The following TRRAP variants were observed in gnomAD, a reference collection of about 807,000 sequenced individuals.
TRRAP encodes transformation/transcription domain associated protein.
Under a neutral mutation model 438.8 loss-of-function variants are expected in TRRAP, and 41 were observed. The observed-to-expected ratio is 0.09, with a 90% CI of 0.07 to 0.12. The LOEUF is 0.12. Among genes scored for constraint, TRRAP ranks in the 10% least tolerant of loss-of-function variants. The probability of loss-of-function intolerance (pLI) is 1.00; values close to 1 mark genes in which losing one functional copy is unlikely to be tolerated. For missense variants in TRRAP, 3,122 were observed against 5,055.1 expected (o/e 0.62, Z 11.60); for synonymous variants, 1,994 against 1,962.9 (o/e 1.02, Z -0.42).
Position 98,984,935 on chromosome 7 carries a change from T to C in TRRAP, c.9289-9T>C, listed in dbSNP as rs200439018. 8.0e-5 allele frequency: 127 copies of C among 1,581,252 alleles called. No homozygotes were observed. Among genetic ancestry groups the C allele is most frequent in the Non-Finnish European group, 1.0e-5 (12 of 1,164,922 alleles). ...AAGAACTTTTTTTCTGCTCATTTTT[T>C]TTGAACAGGGCCTTGAAGTTATTGA... On this transcript the variant is annotated splice_polypyrimidine_tract_variant and intron_variant, in intron 61 of 72. Transcript: ENST00000456197.
Position 98,981,617 on chromosome 7 carries a change from C to A in TRRAP, c.8635-152C>A, listed in dbSNP as rs146054628. 42 of 759,588 alleles carry A rather than the reference C, an allele frequency of 5.5e-5. No individual in the cohort carries two copies. In the African/African-American group the frequency reaches 6.8e-4, roughly 12 times the overall value. The allele number at this position is 759,588 out of a possible 1,614,324, so 47.1% of individuals were successfully genotyped here. Reference sequence around the variant, plus strand: ...CAGAAAAGACTGTGTAAACGCATGACTTCTCTAAAGAAAATACATTTCTAT... The same window carrying A: ...CAGAAAAGACTGTGTAAACGCATGAATTCTCTAAAGAAAATACATTTCTAT... On this transcript the variant is annotated intron_variant, in intron 58 of 72. Transcript: ENST00000456197.
In TRRAP at chr7:98,956,075, G is replaced by C; in HGVS notation, c.5938-71G>C. ...GCATGTCGGGGGTGTGTGTGTGCAC[G>C]TGCGCACACGTGCATGCACTGTGGG... is the stretch of plus-strand genomic sequence containing the variant. On this transcript the variant is annotated intron_variant, in intron 41 of 72. Transcript: ENST00000456197. The surrounding 1 kb of genome is among the most constrained non-coding windows in gnomAD (Gnocchi z 4.5). 1 of 1,530,606 alleles carries C rather than the reference G, an allele frequency of 6.5e-7. No individual in the cohort carries two copies. Among genetic ancestry groups the C allele is most frequent in the Middle Eastern group, 2.4e-4 (1 of 4,158 alleles). The allele number at this position is 1,530,606 out of a possible 1,614,324, so 94.8% of individuals were successfully genotyped here. A position where few individuals can be genotyped will look rare whatever the true frequency, so the allele number is the denominator to read the frequency against.
chr7:98,934,261 G>A (rs140521747), intron 27 of TRRAP, among the ~76,000 whole-genome samples: 1 of 152,110 alleles, frequency 6.6e-6, no homozygotes, highest in African/African-American at 2.4e-5. Flanking sequence ...AGTATACCGC[G>A]GCAAAAATCA....
chr7:99,000,936 C>T (rs1225032893), intron 67 of TRRAP, among the ~76,000 whole-genome samples: 4 of 152,208 alleles, frequency 2.6e-5, no homozygotes, highest in East Asian at 1.9e-4. Flanking sequence ...CCCAACTTAG[C>T]GCTTTTGTAA....
In TRRAP at chr7:98,976,941, G is replaced by T; in HGVS notation, c.8250G>T (p.Glu2750Asp). 1 of 1,614,132 alleles carries T rather than the reference G, an allele frequency of 6.2e-7. No individual in the cohort carries two copies. The highest frequency in any genetic ancestry group is 8.5e-7 in the Non-Finnish European group (1 of 1,180,050). ...GGAACCTTACTTTGTGTTTTCAGGA[G>T]ATACTGGATTCCCTTGCGGAGCTTT... The part of the protein sequence containing the change: ...EQESITPPQQ[E>D]ILDSLAELYS... Residue 2750 changes from glutamate (E) to aspartate (D), a missense_variant and splice_region_variant, in exon 56 of 73, where the codon GAG (glutamate) becomes GAT (aspartate). Physicochemically the swap from Glu to Asp is conservative, Grantham distance 45. This residue lies in a region of TRRAP where 992 missense variants were observed against 1,281.2 expected (regional missense o/e 0.77). Coordinates refer to ENST00000456197, the MANE Select transcript of TRRAP (RefSeq NM_001375524.1). The surrounding 1 kb of genome is among the most constrained non-coding windows in gnomAD (Gnocchi z 4.6).
intron 8 of TRRAP, 147 bp downstream of exon 8, chr7:98,898,013 G>C: frequency 7.5e-7 from 1 of 1,326,150 alleles, no homozygotes; most frequent in South Asian, 1.4e-5. Context: ...CTTCTCTGCA[G>C]CCTGGGAGGG....
chr7:98,881,900 T>C, intron 2 of TRRAP, 75 bp from the exon 3 acceptor site: 1 of 1,519,918 alleles, frequency 6.6e-7, no homozygotes, highest in Non-Finnish European at 9.0e-7. Context: ...CTTAAATTAC[T>C]AAATCCAAGT....
At chr7:98,991,861 G>C (rs1793444994) in intron 64 of TRRAP, among the ~76,000 whole-genome samples, 1 of 152,200 alleles carries the variant, frequency 6.6e-6, no homozygotes, top group Non-Finnish European at 1.5e-5. Flanking sequence ...CTGCCTGGAA[G>C]GAAAGCGTGG....
intron 7 of TRRAP, among the ~76,000 whole-genome samples, chr7:98,896,558 C>T (rs565818573): frequency 4.0e-5 from 6 of 151,808 alleles, no homozygotes; most frequent in South Asian, 2.1e-4. Context: ...TACAGGCGTG[C>T]GGCACCCACC....
At chr7:98,986,429 T>G (rs1022509496) in intron 62 of TRRAP, among the ~76,000 whole-genome samples, 20 of 152,228 alleles carry the variant, frequency 1.3e-4, no homozygotes, top group African/African-American at 4.8e-4. Flanking sequence ...TTTCTCCATA[T>G]CCTCACCAGC....
chr7:98,899,742 G>A lies in TRRAP; in HGVS notation c.775G>A (p.Ala259Thr). 1 of 1,614,156 alleles carries A rather than the reference G, an allele frequency of 6.2e-7. No homozygotes were observed. The highest frequency in any genetic ancestry group is 8.5e-7 in the Non-Finnish European group (1 of 1,180,022). The change falls in exon 10 of 73, where the codon GCC (alanine) becomes ACC (threonine). Residue 259 changes from alanine to threonine, a missense_variant. Coordinates refer to ENST00000456197, the MANE Select transcript of TRRAP (RefSeq NM_001375524.1). Reference protein sequence around the residue: ...EFVPLIMNTIAIQVSAQARQH... With the variant: ...EFVPLIMNTITIQVSAQARQH... ...TGTGCCCTTGATCATGAACACCATTGCCATTCAGGTGTCTGCACAAGCGAG... is the reference window on the plus strand; with the variant it reads ...TGTGCCCTTGATCATGAACACCATTACCATTCAGGTGTCTGCACAAGCGAG...
Position 98,976,962 on chromosome 7 carries a change from G to C in TRRAP, c.8271G>C (p.Glu2757Asp), listed in dbSNP as rs55755466. The change falls in exon 56 of 73, where the codon GAG becomes GAC. Residue 2757 changes from glutamate to aspartate, a missense_variant. Physicochemically the swap from Glu to Asp is conservative, Grantham distance 45. Transcript: ENST00000456197. The surrounding 1 kb of genome is among the most constrained non-coding windows in gnomAD (Gnocchi z 4.6). ...AGGAGATACTGGATTCCCTTGCGGAGCTTTACTCCCTGTTACAAGAGGAAG... is the reference window on the plus strand; with the variant it reads ...AGGAGATACTGGATTCCCTTGCGGACCTTTACTCCCTGTTACAAGAGGAAG... The part of the protein sequence containing the change: ...PQQEILDSLA[E>D]LYSLLQEEDM... The C allele has an allele frequency of 1.6e-4, 255 of 1,614,184 alleles. 2 individuals carry two copies. The East Asian group carries it at 5.3e-3, about 33-fold the overall frequency.
rs749974582 is a variant in TRRAP at position 99,012,161 on chromosome 7, G to T, written c.11428G>T (p.Ala3810Ser). 1.9e-6 allele frequency: 3 copies of T among 1,614,178 alleles called. No homozygotes were observed. The highest frequency in any genetic ancestry group is 1.1e-5 in the South Asian group (1 of 91,080). ...QEDTSSPLSA[A>S]GQPENMDSQQ... Reference sequence around the variant, plus strand: ...GGACACGTCCTCTCCTCTCTCGGCCGCCGGGCAGCCAGAGAACATGGACAG... The same window carrying T: ...GGACACGTCCTCTCCTCTCTCGGCCTCCGGGCAGCCAGAGAACATGGACAG... Residue 3810 changes from alanine to serine, a missense_variant, in exon 73 of 73, where the codon GCC (alanine) becomes TCC (serine). This residue lies in a region of TRRAP where 192 missense variants were observed against 355.6 expected (regional missense o/e 0.54). Transcript: ENST00000456197. This position sits in a 1 kb window ranked among gnomAD's most constrained non-coding sequence, Gnocchi z 5.9.
rs552076320 is a variant in TRRAP at position 98,897,835 on chromosome 7, A to C, written c.602A>C (p.Asn201Thr). The C allele has an allele frequency of 5.6e-6, 9 of 1,613,908 alleles. No individual in the cohort carries two copies. In the South Asian group the frequency reaches 9.9e-5, roughly 18 times the overall value. The change falls in exon 8 of 73, where the codon AAC (asparagine) becomes ACC (threonine). Residue 201 changes from asparagine to threonine, a missense_variant. Asn to Thr is a moderately conservative substitution (Grantham distance 65, BLOSUM62 0). This residue lies in a region of TRRAP where 343 missense variants were observed against 564.0 expected (regional missense o/e 0.61). Coordinates refer to ENST00000456197, the MANE Select transcript of TRRAP (RefSeq NM_001375524.1). ...ATAACAACGATTGCTGTGAAAGTCAACCCGGAGCGTGAGGACAGTGAGACT... is the reference window on the plus strand; with the variant it reads ...ATAACAACGATTGCTGTGAAAGTCACCCCGGAGCGTGAGGACAGTGAGACT... ...GMITTIAVKV[N>T]PEREDSETRT...
rs748926975 is a variant in TRRAP, at chr7:99,011,324, C to T, written c.11143-17C>T. ...CTTTCTGCTGAAGTTCCTAAAGTGT[C>T]TCCTTCTGAAATTTAGGACACTGGC... On this transcript the variant is annotated splice_polypyrimidine_tract_variant and intron_variant, in intron 71 of 72. Coordinates refer to ENST00000456197, the MANE Select transcript of TRRAP (RefSeq NM_001375524.1). This position sits in a 1 kb window ranked among gnomAD's most constrained non-coding sequence, Gnocchi z 7.1. 4.3e-6 allele frequency: 7 copies of T among 1,613,162 alleles called. No homozygotes were observed. In the South Asian group the frequency reaches 6.6e-5, roughly 15 times the overall value.
chr7:98,983,196 C>T, intron 59 of TRRAP, 68 bp from the exon 60 acceptor site: 1 of 1,411,244 alleles, frequency 7.1e-7, no homozygotes, highest in Non-Finnish European at 9.6e-7. Flanking sequence ...CCAATGGACT[C>T]TGGTGTGTTT....
rs759277860 is a variant in TRRAP at position 98,994,843 on chromosome 7, C to T, written c.10304C>T (p.Thr3435Met). Residue 3435 changes from threonine to methionine, a missense_variant, in exon 67 of 73, where the codon ACG (threonine) becomes ATG (methionine). Physicochemically the swap from Thr to Met is moderately conservative, Grantham distance 81 (BLOSUM62 -1). Coordinates refer to ENST00000456197, the MANE Select transcript of TRRAP (RefSeq NM_001375524.1). This position sits in a 1 kb window ranked among gnomAD's most constrained non-coding sequence, Gnocchi z 4.8. Reference protein sequence around the residue: ...PVFQKLKGQFTTDFDFSVPGS... With the variant: ...PVFQKLKGQFMTDFDFSVPGS... ...TTTCAGAAGCTGAAAGGCCAGTTCACGACGGGTGAGTCTCCATTTTCCTTC... is the reference window on the plus strand; with the variant it reads ...TTTCAGAAGCTGAAAGGCCAGTTCATGACGGGTGAGTCTCCATTTTCCTTC... 3 of 1,609,012 alleles carry T rather than the reference C, an allele frequency of 1.9e-6. No individual in the cohort carries two copies. The highest frequency in any genetic ancestry group is 2.2e-5 in the East Asian group (1 of 44,718).
intron 51 of TRRAP, among the ~76,000 whole-genome samples, chr7:98,969,320 T>G (rs1008598285): frequency 2.6e-5 from 4 of 152,180 alleles, no homozygotes; most frequent in African/African-American, 9.7e-5. Context: ...CCAGCATCAG[T>G]CTCCAGTGTG....
intron 40 of TRRAP, among the ~76,000 whole-genome samples, chr7:98,953,986 C>T (rs965808860): frequency 6.6e-6 from 1 of 152,252 alleles, no homozygotes; most frequent in Admixed American, 6.5e-5. Flanking sequence ...CTGTCCATTG[C>T]ATTCTGGCTT....
Sources: allele counts gnomAD v4.1 joint callset (sites outside exome capture counted in the v4.1 genomes callset), GRCh38; gene constraint gnomAD v4.1.1; regional missense constraint gnomAD v4.1.1; non-coding constraint Gnocchi (gnomAD v3.1); transcripts MANE v1.5; gene names NCBI Gene and HGNC (gene_info 2026-07-23, HGNC 2026-07-21).